Variants in SCHIP1 observed in about 807,000 individuals in gnomAD.
The protein encoded by SCHIP1 is schwannomin-interacting protein 1.
SCHIP1 carries 8 observed loss-of-function variants against 29.7 expected under a neutral mutation model. The observed-to-expected ratio is 0.27, with a 90% CI of 0.16 to 0.49. The LOEUF is 0.49. Among genes scored for constraint, SCHIP1 ranks in the 20% least tolerant of loss-of-function variants. The pLI, the probability that SCHIP1 is intolerant of heterozygous loss-of-function variation, is 0.99. For synonymous variants in SCHIP1, 76 were observed against 94.9 expected (o/e 0.80, Z 1.16); for missense variants, 193 against 294.6 (o/e 0.66, Z 2.52).
chr3:159,716,138 T>C, the SCHIP1 span, among the ~76,000 whole-genome samples: 1 of 152,198 alleles, frequency 6.6e-6, no homozygotes, highest in Non-Finnish European at 1.5e-5. Flanking sequence ...GAATTTCATA[T>C]CCAGCCAAAC....
the SCHIP1 span, among the ~76,000 whole-genome samples, chr3:159,724,849 A>T: frequency 6.6e-6 from 1 of 152,222 alleles, no homozygotes; most frequent in Non-Finnish European, 1.5e-5. Context: ...TGTGCATGTA[A>T]CTCAATGGGA....
intron 5 of SCHIP1, among the ~76,000 whole-genome samples, chr3:159,890,499 C>A (rs1577501760): frequency 2.0e-5 from 3 of 152,138 alleles, no homozygotes; most frequent in Admixed American, 2.0e-4. Context: ...TATTCAGTGC[C>A]AAGTTAACAC....
the SCHIP1 span, among the ~76,000 whole-genome samples, chr3:159,598,148 G>T: frequency 6.6e-6 from 1 of 152,190 alleles, no homozygotes; most frequent in South Asian, 2.1e-4. Context: ...TACAATTTAA[G>T]ATGAGATTTG....
the SCHIP1 span, among the ~76,000 whole-genome samples, chr3:159,369,350 G>C: frequency 2.6e-3 from 397 of 151,982 alleles, 1 homozygote; most frequent in Non-Finnish European, 4.7e-3. Flanking sequence ...TTTCAATAAT[G>C]CCAATTTAGC....
chr3:159,825,351 G>A, the SCHIP1 span, among the ~76,000 whole-genome samples: 1 of 152,168 alleles, frequency 6.6e-6, no homozygotes, highest in Non-Finnish European at 1.5e-5. Flanking sequence ...AGGCACATCT[G>A]CAGAGTGAGT....
the SCHIP1 span, among the ~76,000 whole-genome samples, chr3:159,637,351 A>G: frequency 2.0e-5 from 3 of 149,788 alleles, no homozygotes; most frequent in African/African-American, 7.4e-5. Flanking sequence ...ATTTCATAAC[A>G]AAAGAAACCC....
the SCHIP1 span, among the ~76,000 whole-genome samples, chr3:159,418,453 G>T: frequency 1.3e-5 from 2 of 152,168 alleles, no homozygotes. Flanking sequence ...GTCTGTGCAG[G>T]TCACCATCTA....
chr3:159,628,085 G>T, the SCHIP1 span, among the ~76,000 whole-genome samples: 1 of 152,176 alleles, frequency 6.6e-6, no homozygotes, highest in Non-Finnish European at 1.5e-5. Context: ...AGAGCAAGAG[G>T]CTAAGAAGCC....
At chr3:159,741,308 A>G in the SCHIP1 span, among the ~76,000 whole-genome samples, 1 of 152,230 alleles carries the variant, frequency 6.6e-6, no homozygotes, top group African/African-American at 2.4e-5. Flanking sequence ...AAAAGGAGAG[A>G]GAGGAAAGAG....
intron 2 of SCHIP1, among the ~76,000 whole-genome samples, chr3:159,882,066 G>T (rs996217682): frequency 1.3e-5 from 2 of 152,196 alleles, no homozygotes; most frequent in African/African-American, 4.8e-5. Context: ...AAGTTCCAAG[G>T]CCAGCCCAGG....
the SCHIP1 span, among the ~76,000 whole-genome samples, chr3:159,813,160 T>C: frequency 6.6e-6 from 1 of 152,188 alleles, no homozygotes; most frequent in Admixed American, 6.5e-5. Flanking sequence ...GAGCTGACCA[T>C]ATTCAAACCA....
At chr3:159,596,297 C>T in the SCHIP1 span, among the ~76,000 whole-genome samples, 1 of 152,142 alleles carries the variant, frequency 6.6e-6, no homozygotes, top group African/African-American at 2.4e-5. Context: ...AGTCAGAAAA[C>T]AACAGGTGCT....
At chr3:159,656,091 T>G in the SCHIP1 span, among the ~76,000 whole-genome samples, 1 of 152,152 alleles carries the variant, frequency 6.6e-6, no homozygotes, top group Non-Finnish European at 1.5e-5. Context: ...TGTTTCATTG[T>G]GTGGCATAGA....
At chr3:159,480,670 C>T in the SCHIP1 span, among the ~76,000 whole-genome samples, 1 of 152,178 alleles carries the variant, frequency 6.6e-6, no homozygotes, top group Non-Finnish European at 1.5e-5. Flanking sequence ...TCTCTCCTCC[C>T]TTCCCACCTC....
the SCHIP1 span, among the ~76,000 whole-genome samples, chr3:159,297,514 A>G: frequency 6.6e-6 from 1 of 152,174 alleles, no homozygotes; most frequent in Admixed American, 6.5e-5. Flanking sequence ...AGCTGGGACC[A>G]GAATCTGGAC....
At chr3:159,352,016 A>C in the SCHIP1 span, among the ~76,000 whole-genome samples, 1 of 152,170 alleles carries the variant, frequency 6.6e-6, no homozygotes, top group Non-Finnish European at 1.5e-5. Flanking sequence ...TAAAATTCTT[A>C]CTGTAGAAAA....
At chr3:159,278,920 G>A in the SCHIP1 span, among the ~76,000 whole-genome samples, 1 of 152,116 alleles carries the variant, frequency 6.6e-6, no homozygotes, top group Non-Finnish European at 1.5e-5. Flanking sequence ...GATGGTGGGA[G>A]CTATGCCATC....
chr3:159,567,243 TTCC>T, the SCHIP1 span, among the ~76,000 whole-genome samples: 1 of 152,208 alleles, frequency 6.6e-6, no homozygotes, highest in Non-Finnish European at 1.5e-5. Context: ...GTCCTAAATA[TTCC>T]TCCTTTGTTA....
At chr3:159,273,783 C>T in the SCHIP1 span, 1 of 1,610,952 alleles carries the variant, frequency 6.2e-7, no homozygotes, top group Non-Finnish European at 8.5e-7. Flanking sequence ...ATAAACAACT[C>T]TTCCCTCTCA....
Sources: gnomAD v4.1 joint callset for allele counts (sites outside exome capture counted in the v4.1 genomes callset) on GRCh38, gnomAD v4.1.1 for gene constraint, MANE v1.5 for transcripts, NCBI Gene and HGNC (gene_info 2026-07-23, HGNC 2026-07-21) for gene names.